Variants in DPCD observed in about 807,000 individuals in gnomAD.
DPCD encodes protein DPCD.
Under a neutral mutation model 26.4 loss-of-function variants are expected in DPCD, and 20 were observed. The ratio of observed to expected loss-of-function variants is 0.76; its 90% CI spans 0.53 to 1.10. DPCD has a LOEUF of 1.10. Among genes scored for constraint, DPCD ranks in the 50% least tolerant of loss-of-function variants. The probability of loss-of-function intolerance (pLI) is 0.00; values close to 1 mark genes in which losing one functional copy is unlikely to be tolerated. For synonymous variants in DPCD, 97 were observed against 94.2 expected (o/e 1.03, Z -0.17); for missense variants, 202 against 253.9 (o/e 0.80, Z 1.39).
At chr10:101,589,631 G>A (rs1317943479) in intron 1 of DPCD, among the ~76,000 whole-genome samples, 1 of 152,082 alleles carries the variant, frequency 6.6e-6, no homozygotes, top group African/African-American at 2.4e-5. Flanking sequence ...TGTAATCCCA[G>A]CATGTTGGGA....
Position 101,603,272 on chromosome 10 carries a change from G to A in DPCD, c.404+1936G>A, listed in dbSNP as rs181357596. On this transcript the variant is annotated intron_variant, in intron 4 of 5. Coordinates refer to ENST00000370151, the MANE Select transcript of DPCD (RefSeq NM_015448.3). This position sits in a 1 kb window ranked among gnomAD's most constrained non-coding sequence, Gnocchi z 4.6. ...CTTAGCCAGATCGTTCCCGAACCTAGTGGCATTTTTACCTTCTACCTGGAA... is the reference window on the plus strand; with the variant it reads ...CTTAGCCAGATCGTTCCCGAACCTAATGGCATTTTTACCTTCTACCTGGAA... Among the ~76,000 whole-genome samples, 153 of 152,222 alleles carry A rather than the reference G, an allele frequency of 1.0e-3. No individual in the cohort carries two copies. Among genetic ancestry groups the A allele is most frequent in the Middle Eastern group, 6.8e-3 (2 of 292 alleles).
intron 1 of DPCD, 55 bp from the exon 2 acceptor site, chr10:101,594,603 A>C: frequency 6.3e-7 from 1 of 1,576,486 alleles, no homozygotes; most frequent in Non-Finnish European, 8.7e-7. Flanking sequence ...CTTGATCTGC[A>C]AGGGACAGGG....
chr10:101,605,772 T>C (rs1024831016), intron 4 of DPCD, among the ~76,000 whole-genome samples: 2 of 152,128 alleles, frequency 1.3e-5, no homozygotes, highest in African/African-American at 4.8e-5. Flanking sequence ...TAATCTAGAC[T>C]ATGGCGGGCT....
Position 101,594,645 on chromosome 10 carries a change from G to C in DPCD, c.65-13G>C, listed in dbSNP as rs1189978854. 1.2e-6 allele frequency: 2 copies of C among 1,613,826 alleles called. No individual in the cohort carries two copies. The highest frequency in any genetic ancestry group is 2.7e-5 in the African/African-American group (2 of 74,922). The stretch of plus-strand genomic sequence containing the variant: ...GAGACTTTGAGGTAAGGCATTCTCT[G>C]TTTTGTGCATAGGGAGAAGGAAGGT... On this transcript the variant is annotated splice_polypyrimidine_tract_variant and intron_variant, in intron 1 of 5. Coordinates refer to ENST00000370151, the MANE Select transcript of DPCD (RefSeq NM_015448.3).
intron 2 of DPCD, among the ~76,000 whole-genome samples, chr10:101,595,549 G>A (rs1253384236): frequency 6.6e-6 from 1 of 152,164 alleles, no homozygotes; most frequent in Non-Finnish European, 1.5e-5. Flanking sequence ...TTCTTCCTGG[G>A]CCTGATCGAC....
chr10:101,609,130 C>CACAGCTAG, intron 5 of DPCD, 193 bp downstream of exon 5: 1 of 648,536 alleles, frequency 1.5e-6, no homozygotes, highest in Non-Finnish European at 2.7e-6. Context: ...CCATATAATT[C>CACAGCTAG]ACAGCTAGAA....
intron 5 of DPCD, 64 bp downstream of exon 5, chr10:101,609,001 T>G (rs879813339): frequency 7.0e-5 from 94 of 1,337,934 alleles, no homozygotes; most frequent in Middle Eastern, 1.8e-4. Flanking sequence ...CCCTGCCCAC[T>G]TCCCATCCCA....
chr10:101,590,525 T>C (rs1325363341), intron 1 of DPCD, among the ~76,000 whole-genome samples: 1 of 152,134 alleles, frequency 6.6e-6, no homozygotes, highest in South Asian at 2.1e-4. Context: ...ACATTCACAT[T>C]GTTGTGCAAC....
rs1298627487 is a variant in DPCD, at chr10:101,603,910, A to G, written c.404+2574A>G. On this transcript the variant is annotated intron_variant, in intron 4 of 5. Coordinates refer to ENST00000370151, the MANE Select transcript of DPCD (RefSeq NM_015448.3). This position sits in a 1 kb window ranked among gnomAD's most constrained non-coding sequence, Gnocchi z 4.6. ...TGGGACTATAGGCGCATACCACCCA[A>G]TCTGGCCAAGTTTAAACAATTTTTT... Among the ~76,000 whole-genome samples the G allele has an allele frequency of 6.6e-6, 1 of 152,162 alleles. No homozygotes were observed. The highest frequency in any genetic ancestry group is 2.4e-5 in the African/African-American group (1 of 41,446).
intron 2 of DPCD, among the ~76,000 whole-genome samples, chr10:101,597,154 G>A (rs2063658556): frequency 6.6e-6 from 1 of 152,184 alleles, no homozygotes; most frequent in South Asian, 2.1e-4. Flanking sequence ...TGAAGGGCAG[G>A]CCATCCCCCA....
At chr10:101,601,167 C>A in intron 3 of DPCD, 36 bp from the exon 4 acceptor site, 1 of 1,612,550 alleles carries the variant, frequency 6.2e-7, no homozygotes, top group Non-Finnish European at 8.5e-7. Flanking sequence ...TTCCCTTCCC[C>A]AGGAACAGTC....
chr10:101,594,412 T>C (rs1053727014), intron 1 of DPCD, among the ~76,000 whole-genome samples: 5 of 152,138 alleles, frequency 3.3e-5, no homozygotes, highest in African/African-American at 1.2e-4. Flanking sequence ...GGAAAAAATA[T>C]GGAGCTGTTG....
rs1371352186 is a variant in DPCD, at chr10:101,603,956, A to G, written c.404+2620A>G. 6.6e-6 allele frequency among the ~76,000 whole-genome samples: 1 copy of G among 151,944 alleles called. No homozygotes were observed. Among genetic ancestry groups the G allele is most frequent in the African/African-American group, 2.4e-5 (1 of 41,374 alleles). On this transcript the variant is annotated intron_variant, in intron 4 of 5. Coordinates refer to ENST00000370151, the MANE Select transcript of DPCD (RefSeq NM_015448.3). The surrounding 1 kb of genome is among the most constrained non-coding windows in gnomAD (Gnocchi z 4.6). ...TTTTTATAGCGTTGAGGGTCTCTCC[A>G]TTTTGCCCAAGCTGCTCTCAAAATC... is the stretch of plus-strand genomic sequence containing the variant.
intron 4 of DPCD, among the ~76,000 whole-genome samples, chr10:101,608,391 G>A (rs879767461): frequency 6.6e-6 from 1 of 152,248 alleles, no homozygotes; most frequent in Non-Finnish European, 1.5e-5. Flanking sequence ...AATGGTAACA[G>A]TAGGGCCCCA....
At chr10:101,592,973 C>T (rs1589721202) in intron 1 of DPCD, among the ~76,000 whole-genome samples, 1 of 151,694 alleles carries the variant, frequency 6.6e-6, no homozygotes, top group South Asian at 2.1e-4. Flanking sequence ...GAGATCACAC[C>T]ACTGCACTCC....
chr10:101,605,167 C>T, intron 4 of DPCD: 1 of 1,550,472 alleles, frequency 6.4e-7, no homozygotes, highest in Non-Finnish European at 8.7e-7. Context: ...TTCTCTGGAC[C>T]CCTCTGGCCA....
chr10:101,590,916 C>T (rs879265789), intron 1 of DPCD, among the ~76,000 whole-genome samples: 7 of 152,182 alleles, frequency 4.6e-5, no homozygotes, highest in Admixed American at 2.6e-4. Context: ...CTTAGTGTAA[C>T]GCTTCAAGGT....
At chr10:101,592,724 A>G (rs2063620269) in intron 1 of DPCD, among the ~76,000 whole-genome samples, 1 of 150,232 alleles carries the variant, frequency 6.7e-6, no homozygotes, top group African/African-American at 2.5e-5. Flanking sequence ...TCTAAAAAAA[A>G]GCCTCAGTTG....
chr10:101,600,960 T>C lies in DPCD; in HGVS notation c.270+98T>C. The C allele has an allele frequency of 6.4e-7, 1 of 1,573,196 alleles. No individual in the cohort carries two copies. The highest frequency in any genetic ancestry group is 1.2e-5 in the South Asian group (1 of 86,518). On this transcript the variant is annotated intron_variant, in intron 3 of 5. Transcript: ENST00000370151. This position sits in a 1 kb window ranked among gnomAD's most constrained non-coding sequence, Gnocchi z 4.7. ...CAGGGACCATGTCTTGTTCACCTCC[T>C]CGCCTCCAGTGTGCCACCTGGACAC...
Sources: gnomAD v4.1 joint callset for allele counts (sites outside exome capture counted in the v4.1 genomes callset) on GRCh38, gnomAD v4.1.1 for gene constraint, Gnocchi (gnomAD v3.1) non-coding constraint, MANE v1.5 for transcripts, NCBI Gene and HGNC (gene_info 2026-07-23, HGNC 2026-07-21) for gene names.